GLCE: variants seen among roughly 807,000 people sequenced by gnomAD.
The protein encoded by GLCE is glucuronic acid epimerase.
Under a neutral mutation model 47.9 loss-of-function variants are expected in GLCE, and 19 were observed. The observed-to-expected ratio is 0.40, with a 90% CI of 0.28 to 0.58. The LOEUF is 0.58. Ranked by LOEUF, GLCE falls within the 20% of genes least tolerant of loss-of-function variation. The pLI is 0.48. For missense variants in GLCE, 556 were observed against 743.3 expected (o/e 0.75, Z 2.93); for synonymous variants, 245 against 263.4 (o/e 0.93, Z 0.68).
At chr15:69,220,004 A>G (rs765511279) in intron 2 of GLCE, among the ~76,000 whole-genome samples, 4 of 152,160 alleles carry the variant, frequency 2.6e-5, no homozygotes, top group Non-Finnish European at 4.4e-5. Context: ...TATTTCACTT[A>G]GTATAATGTC....
intron 1 of GLCE, chr15:69,197,167 C>T (rs1020112948): frequency 8.7e-5 from 35 of 404,092 alleles, no homozygotes; most frequent in Non-Finnish European, 1.6e-4. Flanking sequence ...CCTGACAATG[C>T]GTCGCACAAC....
Position 69,271,802 on chromosome 15 carries a change from G to A in GLCE, c.*2558G>A, listed in dbSNP as rs767575098. On this transcript the variant is annotated 3_prime_UTR_variant, in exon 5 of 5. Transcript: ENST00000261858. ...TATTGTACATAAAGGCTTCATCCAC[G>A]AACCATCCAGCGCACAGAAGCAAGT... is the stretch of plus-strand genomic sequence containing the variant. The A allele has an allele frequency of 6.6e-6, 1 of 152,520 alleles. No individual in the cohort carries two copies. Among genetic ancestry groups the A allele is most frequent in the African/African-American group, 2.4e-5 (1 of 41,410 alleles). The allele number at this position is 152,520 out of a possible 1,614,324, so 9.4% of individuals were successfully genotyped here.
intron 2 of GLCE, among the ~76,000 whole-genome samples, chr15:69,235,678 A>G (rs2052587391): frequency 6.6e-6 from 1 of 152,204 alleles, no homozygotes; most frequent in African/African-American, 2.4e-5. Flanking sequence ...GTTGTCCCAA[A>G]AATATACCTT....
At chr15:69,177,165 A>T (rs1288149233) in intron 1 of GLCE, among the ~76,000 whole-genome samples, 1 of 151,996 alleles carries the variant, frequency 6.6e-6, no homozygotes, top group Admixed American at 6.6e-5. Context: ...GATTATAGGC[A>T]TGCGCCACCA....
intron 2 of GLCE, among the ~76,000 whole-genome samples, chr15:69,250,703 C>A (rs1466595005): frequency 6.6e-6 from 1 of 151,418 alleles, no homozygotes; most frequent in Non-Finnish European, 1.5e-5. Flanking sequence ...AATGTGGACA[C>A]CCGATCGGCA....
At chr15:69,219,840 G>A (rs1473735882) in intron 2 of GLCE, among the ~76,000 whole-genome samples, 2 of 151,790 alleles carry the variant, frequency 1.3e-5, no homozygotes, top group South Asian at 4.1e-4. Flanking sequence ...TTTCAATCTT[G>A]TAAACCTGAA....
At position 69,188,995 on chromosome 15, in the gene GLCE, T is replaced by G. The variant is rs144957141; in HGVS notation, c.-104-21321T>G. ...CCACTTCAACATTTCACACCAGAAGTGGTATATTTGTTACAACTGAACCTA... is the reference window on the plus strand; with the variant it reads ...CCACTTCAACATTTCACACCAGAAGGGGTATATTTGTTACAACTGAACCTA... On this transcript the variant is annotated intron_variant, in intron 1 of 4. Transcript: ENST00000261858. Among the ~76,000 whole-genome samples the G allele has an allele frequency of 1.6e-4, 25 of 152,294 alleles. No homozygotes were observed. The East Asian group carries it at 4.4e-3, about 27-fold the overall frequency.
chr15:69,185,511 T>C (rs1206413640), intron 1 of GLCE, among the ~76,000 whole-genome samples: 1 of 152,114 alleles, frequency 6.6e-6, no homozygotes, highest in Non-Finnish European at 1.5e-5. Context: ...TTTCCAGATC[T>C]GTGTGATCAT....
chr15:69,223,697 C>A (rs1282207744), intron 2 of GLCE, among the ~76,000 whole-genome samples: 1 of 152,130 alleles, frequency 6.6e-6, no homozygotes, highest in Non-Finnish European at 1.5e-5. Flanking sequence ...AAAACTCCCA[C>A]AATGTATATA....
chr15:69,170,583 ATG>A (rs2051574822), intron 1 of GLCE, among the ~76,000 whole-genome samples: 2 of 152,128 alleles, frequency 1.3e-5, no homozygotes, highest in South Asian at 2.1e-4. Flanking sequence ...CATGTGTGTA[ATG>A]TGTGTGTATA....
intron 1 of GLCE, among the ~76,000 whole-genome samples, chr15:69,177,667 T>C (rs188644362): frequency 1.0e-4 from 15 of 145,448 alleles, no homozygotes; most frequent in South Asian, 2.1e-4. Flanking sequence ...GCCCCTTTAT[T>C]ATCTTTACTT....
At chr15:69,240,581 G>A (rs551840849) in intron 2 of GLCE, among the ~76,000 whole-genome samples, 2 of 152,180 alleles carry the variant, frequency 1.3e-5, no homozygotes, top group Non-Finnish European at 2.9e-5. Context: ...TTAAAAGGGT[G>A]TTGGATATTA....
intron 1 of GLCE, among the ~76,000 whole-genome samples, chr15:69,180,930 AC>A (rs2051740529): frequency 1.3e-5 from 2 of 152,178 alleles, no homozygotes; most frequent in African/African-American, 4.8e-5. Flanking sequence ...CAGTGAAACC[AC>A]CTAGGAGACT....
At chr15:69,173,087 G>T (rs995442483) in intron 1 of GLCE, among the ~76,000 whole-genome samples, 2 of 152,170 alleles carry the variant, frequency 1.3e-5, no homozygotes, top group African/African-American at 4.8e-5. Context: ...TGGTGAGTCA[G>T]TGGTTTATTA....
chr15:69,260,840 T>C lies in GLCE; in HGVS notation c.587-247T>C, dbSNP rs942126745. 9.8e-6 allele frequency: 4 copies of C among 406,740 alleles called. No homozygotes were observed. In the East Asian group the frequency reaches 1.5e-4, roughly 15 times the overall value. 25.2% of individuals were successfully genotyped at this position (406,740 alleles called of 1,614,324 possible). ...ACACAAAAAGCCAGTCCTTAAAAGG[T>C]AATTTATAGCGTTGCACTATTTGTT... On this transcript the variant is annotated intron_variant, in intron 3 of 4. Coordinates refer to ENST00000261858, the MANE Select transcript of GLCE (RefSeq NM_015554.3).
At chr15:69,163,003 G>A (rs1471891831) in intron 1 of GLCE, among the ~76,000 whole-genome samples, 7 of 152,080 alleles carry the variant, frequency 4.6e-5, no homozygotes, top group East Asian at 1.9e-4. Context: ...AAGGAATCCC[G>A]CACAGCAATA....
chr15:69,241,622 C>T (rs1457799143), intron 2 of GLCE, among the ~76,000 whole-genome samples: 3 of 152,158 alleles, frequency 2.0e-5, no homozygotes. Context: ...TTTCCACTTG[C>T]ACATAGTACC....
At position 69,256,067 on chromosome 15, in the gene GLCE, T is replaced by G; in HGVS notation, c.261T>G (p.Val87=). The G allele has an allele frequency of 1.2e-6, 2 of 1,614,044 alleles. No homozygotes were observed. Among genetic ancestry groups the G allele is most frequent in the Non-Finnish European group, 1.7e-6 (2 of 1,179,948 alleles). ...AGGAACAGCAGAAAGCACCCCCTGT[T>G]GTTGGGGGCTTCAATAGCAATGTGG... is the stretch of plus-strand genomic sequence containing the variant. ...FPQEQQKAPP[V]VGGFNSNVGS... Residue 87 remains valine, a synonymous_variant, in exon 3 of 5, where the codon GTT becomes GTG. Coordinates refer to ENST00000261858, the MANE Select transcript of GLCE (RefSeq NM_015554.3).
intron 2 of GLCE, among the ~76,000 whole-genome samples, chr15:69,250,683 T>C (rs1032023932): frequency 6.6e-6 from 1 of 151,666 alleles, no homozygotes; most frequent in Non-Finnish European, 1.5e-5. Context: ...ATCATACTGA[T>C]GGCAAACTTA....
Sources: allele counts gnomAD v4.1 joint callset (sites outside exome capture counted in the v4.1 genomes callset), GRCh38; gene constraint gnomAD v4.1.1; transcripts MANE v1.5; gene names NCBI Gene and HGNC (gene_info 2026-07-23, HGNC 2026-07-21).